RIC8B: variants seen among roughly 807,000 people sequenced by gnomAD.
The protein encoded by RIC8B is RIC8 guanine nucleotide exchange factor B.
Under a neutral mutation model 57.5 loss-of-function variants are expected in RIC8B, and 16 were observed. That is an observed-to-expected ratio of 0.28 (90% CI 0.19 to 0.42). The LOEUF is 0.42. Ranked by LOEUF, RIC8B falls within the 10% of genes least tolerant of loss-of-function variation. The pLI is 1.00. For synonymous variants in RIC8B, 216 were observed against 250.8 expected (o/e 0.86, Z 1.31); for missense variants, 481 against 677.0 (o/e 0.71, Z 3.21).
chr12:106,774,696 G>A lies in RIC8B; in HGVS notation c.-50G>A. The A allele has an allele frequency of 6.8e-7, 1 of 1,469,674 alleles. No homozygotes were observed. The highest frequency in any genetic ancestry group is 9.3e-7 in the Non-Finnish European group (1 of 1,077,924). 91.0% of individuals were successfully genotyped at this position (1,469,674 alleles called of 1,614,324 possible). A position where few individuals can be genotyped will look rare whatever the true frequency, so the allele number is the denominator to read the frequency against. ...GGGGGCGCGAGGCGTTTACCTGGAG[G>A]CAGCGGCTTGGGCGCGCAGAGCGGC... On this transcript the variant is annotated 5_prime_UTR_variant, in exon 1 of 10. Coordinates refer to ENST00000392837, the MANE Select transcript of RIC8B (RefSeq NM_001330145.2).
At chr12:106,796,606 G>T (rs2044493291) in intron 2 of RIC8B, among the ~76,000 whole-genome samples, 1 of 152,056 alleles carries the variant, frequency 6.6e-6, no homozygotes, top group African/African-American at 2.4e-5. Context: ...AAACATAAAG[G>T]TAAATCTTCA....
At chr12:106,851,098 A>C (rs1465163423) in intron 6 of RIC8B, among the ~76,000 whole-genome samples, 1 of 152,186 alleles carries the variant, frequency 6.6e-6, no homozygotes, top group Non-Finnish European at 1.5e-5. Flanking sequence ...GGAAGTCTTC[A>C]TGGAAGAAAG....
At chr12:106,776,412 A>G (rs978127442) in intron 1 of RIC8B, among the ~76,000 whole-genome samples, 1 of 152,236 alleles carries the variant, frequency 6.6e-6, no homozygotes, top group Non-Finnish European at 1.5e-5. Flanking sequence ...AAGAAATGCA[A>G]AGAGAACTTG....
intron 2 of RIC8B, among the ~76,000 whole-genome samples, chr12:106,804,734 A>G (rs1017886937): frequency 6.6e-6 from 1 of 152,264 alleles, no homozygotes; most frequent in Non-Finnish European, 1.5e-5. Context: ...TATGTTAAAC[A>G]GACCCTGCCC....
chr12:106,861,878 A>T (rs1179204303), intron 8 of RIC8B, among the ~76,000 whole-genome samples: 3 of 152,110 alleles, frequency 2.0e-5, no homozygotes, highest in Non-Finnish European at 4.4e-5. Context: ...TATGATAGAA[A>T]ACTCATGAGT....
intron 2 of RIC8B, among the ~76,000 whole-genome samples, chr12:106,791,294 G>GT (rs764563659): frequency 2.0e-5 from 3 of 152,114 alleles, no homozygotes; most frequent in South Asian, 2.1e-4. Flanking sequence ...TTTCTTTTCT[G>GT]TTTTTTAAAC....
chr12:106,782,001 C>T (rs560714412), intron 1 of RIC8B, among the ~76,000 whole-genome samples: 71 of 151,880 alleles, frequency 4.7e-4, no homozygotes, highest in Non-Finnish European at 8.7e-4. Flanking sequence ...TACAATCTTT[C>T]TTTCCTCTCC....
chr12:106,870,115 ATAGT>A (rs1950338243), intron 8 of RIC8B, among the ~76,000 whole-genome samples: 1 of 152,064 alleles, frequency 6.6e-6, no homozygotes, highest in Non-Finnish European at 1.5e-5. Context: ...CTCTAAGAGA[ATAGT>A]TTGTTTGGTA....
At chr12:106,850,330 C>G (rs1310838809) in intron 6 of RIC8B, among the ~76,000 whole-genome samples, 1 of 152,164 alleles carries the variant, frequency 6.6e-6, no homozygotes, top group African/African-American at 2.4e-5. Flanking sequence ...GATTAGATCA[C>G]AAATTGAGTA....
Position 106,803,829 on chromosome 12 carries a change from A to G in RIC8B, c.133-10867A>G, listed in dbSNP as rs141230272. Among the ~76,000 whole-genome samples the G allele has an allele frequency of 2.3e-3, 347 of 152,298 alleles. 3 individuals are homozygous for G. The highest frequency in any genetic ancestry group is 7.7e-3 in the African/African-American group (321 of 41,560). ...AACAAGCCACCTTTAAAATGTTGCT[A>G]TTGGTTAAGATCTTTAATTATAGGT... On this transcript the variant is annotated intron_variant, in intron 2 of 9. Coordinates refer to ENST00000392837, the MANE Select transcript of RIC8B (RefSeq NM_001330145.2).
At position 106,887,022 on chromosome 12, in the gene RIC8B, AAC is replaced by A. The variant is rs1264353871; in HGVS notation, c.*1011_*1012del. ...TAACTTTATTTATTTAAAAAAAAGA[AAC>A]ACAATTAGTTACTGTTAAACTGATA... is the stretch of plus-strand genomic sequence containing the variant. On this transcript the variant is annotated 3_prime_UTR_variant, in exon 10 of 10. Transcript: ENST00000392837. The A allele has an allele frequency of 2.6e-5, 4 of 152,616 alleles. No individual in the cohort carries two copies. The highest frequency in any genetic ancestry group is 5.9e-5 in the Non-Finnish European group (4 of 68,038). The allele number at this position is 152,616 out of a possible 1,614,324, so 9.5% of individuals were successfully genotyped here. A position where few individuals can be genotyped will look rare whatever the true frequency, so the allele number is the denominator to read the frequency against.
chr12:106,844,929 CCT>C (rs1218076942), intron 6 of RIC8B, among the ~76,000 whole-genome samples: 2 of 152,148 alleles, frequency 1.3e-5, no homozygotes, highest in African/African-American at 4.8e-5. Flanking sequence ...AAACTAGCCT[CCT>C]CTAAAATCCC....
rs1373012252 is a variant in RIC8B at position 106,888,233 on chromosome 12, C to A, written c.*2218C>A. ...TGTGCTCTTCTGCTTTCAGTGAGTT[C>A]TGTTTCATTTTGCATTTCTCTGCAC... is the stretch of plus-strand genomic sequence containing the variant. On this transcript the variant is annotated 3_prime_UTR_variant, in exon 10 of 10. Coordinates refer to ENST00000392837, the MANE Select transcript of RIC8B (RefSeq NM_001330145.2). The A allele has an allele frequency of 6.6e-6, 1 of 152,192 alleles. No individual in the cohort carries two copies. Among genetic ancestry groups the A allele is most frequent in the Admixed American group, 6.5e-5 (1 of 15,274 alleles). 9.4% of individuals were successfully genotyped at this position (152,192 alleles called of 1,614,324 possible).
intron 1 of RIC8B, among the ~76,000 whole-genome samples, chr12:106,782,964 T>C (rs1187603263): frequency 6.6e-6 from 1 of 152,214 alleles, no homozygotes; most frequent in Non-Finnish European, 1.5e-5. Context: ...TAAGAGTACT[T>C]GGTTCTCCTG....
At chr12:106,821,540 T>C (rs937135990) in intron 3 of RIC8B, among the ~76,000 whole-genome samples, 1 of 152,304 alleles carries the variant, frequency 6.6e-6, no homozygotes, top group East Asian at 1.9e-4. Flanking sequence ...GAAGAGTATC[T>C]TCATGACTTT....
intron 7 of RIC8B, 70 bp from the exon 8 acceptor site, chr12:106,860,198 T>C: frequency 1.6e-6 from 2 of 1,289,650 alleles, no homozygotes; most frequent in East Asian, 2.7e-5. Flanking sequence ...TCTTCTTGTG[T>C]TGGTGAGTGG....
Position 106,879,802 on chromosome 12 carries a change from C to T in RIC8B, c.1572-6102C>T, listed in dbSNP as rs187310765. The T allele has an allele frequency of 1.0e-6, 1 of 985,394 alleles. No homozygotes were observed. Among genetic ancestry groups the T allele is most frequent in the East Asian group, 1.1e-4 (1 of 8,810 alleles). 61.0% of individuals were successfully genotyped at this position (985,394 alleles called of 1,614,324 possible). A position where few individuals can be genotyped will look rare whatever the true frequency, so the allele number is the denominator to read the frequency against. On this transcript the variant is annotated intron_variant, in intron 9 of 9. Coordinates refer to ENST00000392837, the MANE Select transcript of RIC8B (RefSeq NM_001330145.2). This position sits in a 1 kb window ranked among gnomAD's most constrained non-coding sequence, Gnocchi z 4.9. ...GAACATTCTTGGAGGCTTATCTCTT[C>T]CCTGGCCAGATGCCTGATCAGATGA...
At chr12:106,836,392 A>T (rs191633376) in intron 4 of RIC8B, among the ~76,000 whole-genome samples, 1 of 152,218 alleles carries the variant, frequency 6.6e-6, no homozygotes, top group Admixed American at 6.5e-5. Context: ...TCACCTAGCT[A>T]ATTTCCTATT....
chr12:106,799,674 G>T (rs955047281), intron 2 of RIC8B, among the ~76,000 whole-genome samples: 9 of 152,174 alleles, frequency 5.9e-5, no homozygotes, highest in African/African-American at 1.9e-4. Flanking sequence ...GTTTCAGAAA[G>T]ATCAATTTAC....
Sources: gnomAD v4.1 joint callset for allele counts (sites outside exome capture counted in the v4.1 genomes callset) on GRCh38, gnomAD v4.1.1 for gene constraint, Gnocchi (gnomAD v3.1) non-coding constraint, MANE v1.5 for transcripts, NCBI Gene and HGNC (gene_info 2026-07-23, HGNC 2026-07-21) for gene names.